Variants in EPHA5 observed in about 807,000 individuals in gnomAD.
EPHA5 encodes the protein EPH receptor A5, also known as ephrin type-A receptor 5.
In EPHA5, 60 loss-of-function variants were observed where a neutral mutation model predicts 105.0. The observed-to-expected ratio is 0.57, with a 90% CI of 0.46 to 0.71. The LOEUF is 0.71. Ranked by LOEUF, EPHA5 falls within the 30% of genes least tolerant of loss-of-function variation. The pLI is 0.00. For missense variants in EPHA5, 1,218 were observed against 1,274.7 expected (o/e 0.96, Z 0.68); for synonymous variants, 513 against 449.1 (o/e 1.14, Z -1.80).
At chr4:65,472,972 C>T (rs536706165) in intron 5 of EPHA5, among the ~76,000 whole-genome samples, 1 of 152,156 alleles carries the variant, frequency 6.6e-6, no homozygotes. Flanking sequence ...AACTTTTATG[C>T]TCTGCTTCCC....
intron 3 of EPHA5, among the ~76,000 whole-genome samples, chr4:65,551,234 T>A (rs981729140): frequency 4.1e-5 from 6 of 147,426 alleles, no homozygotes; most frequent in Non-Finnish European, 8.9e-5. Context: ...TTTAAATATA[T>A]GGAGTGTATA....
At chr4:65,558,156 T>C (rs1347892577) in intron 3 of EPHA5, among the ~76,000 whole-genome samples, 3 of 151,988 alleles carry the variant, frequency 2.0e-5, no homozygotes, top group Non-Finnish European at 1.5e-5. Flanking sequence ...GGATTACAGG[T>C]GTGAGGCACC....
chr4:65,351,886 G>C (rs1360453481), intron 12 of EPHA5, among the ~76,000 whole-genome samples: 1 of 151,950 alleles, frequency 6.6e-6, no homozygotes, highest in Non-Finnish European at 1.5e-5. Context: ...CATCAGAAGG[G>C]TTTGTTCACA....
At chr4:65,619,339 A>G (rs1745513020) in intron 2 of EPHA5, among the ~76,000 whole-genome samples, 1 of 152,182 alleles carries the variant, frequency 6.6e-6, no homozygotes, top group African/African-American at 2.4e-5. Context: ...TCAGATTTTC[A>G]AAAACTAGTA....
At chr4:65,441,536 A>G (rs1726013912) in intron 5 of EPHA5, among the ~76,000 whole-genome samples, 1 of 152,084 alleles carries the variant, frequency 6.6e-6, no homozygotes, top group African/African-American at 2.4e-5. Flanking sequence ...AAAAAGGCAG[A>G]GTGGAAGAAA....
At chr4:65,624,043 C>A (rs555901675) in intron 2 of EPHA5, among the ~76,000 whole-genome samples, 2 of 151,886 alleles carry the variant, frequency 1.3e-5, no homozygotes, top group East Asian at 1.9e-4. Context: ...GAATAATGGA[C>A]AAAAAACTAA....
At position 65,335,842 on chromosome 4, in the gene EPHA5, C is replaced by T. The variant is rs1721117444; in HGVS notation, c.2789+90G>A. On this transcript the variant is annotated intron_variant, in intron 15 of 16. Coordinates refer to ENST00000613740, the MANE Select transcript of EPHA5 (RefSeq NM_001281766.3). ...GTCATATAGATTCACAGATTAATGT[C>T]TATACGAGAATGATTTAATTGATAA... The T allele has an allele frequency of 2.3e-6, 3 of 1,324,598 alleles. 1 individual carries two copies. Among genetic ancestry groups the T allele is most frequent in the Middle Eastern group, 1.9e-4 (1 of 5,256 alleles). The allele number at this position is 1,324,598 out of a possible 1,614,324, so 82.1% of individuals were successfully genotyped here.
Position 65,348,809 on chromosome 4 carries a change from A to ATTT in EPHA5, c.2446-607_2446-606insAAA, listed in dbSNP as rs1257886289. 9.5e-4 allele frequency among the ~76,000 whole-genome samples: 52 copies of ATTT among 54,874 alleles called. 3 individuals are homozygous for ATTT. The highest frequency in any genetic ancestry group is 2.2e-3 in the East Asian group (3 of 1,380). The allele number at this position is 54,874 out of a possible 152,430, so 36.0% of individuals were successfully genotyped here. A position where few individuals can be genotyped will look rare whatever the true frequency, so the allele number is the denominator to read the frequency against. The stretch of plus-strand genomic sequence containing the variant: ...TGTGTGTGTGTATATATATATATAT[A>ATTT]TATATATTTTTTTTTTTTTTTTTTG... On this transcript the variant is annotated intron_variant, in intron 13 of 16. Transcript: ENST00000613740.
chr4:65,343,911 T>C (rs1415326447), intron 14 of EPHA5, among the ~76,000 whole-genome samples: 2 of 152,140 alleles, frequency 1.3e-5, no homozygotes, highest in Admixed American at 1.3e-4. Flanking sequence ...CTAGTGTTTT[T>C]CTAAGTAATT....
At chr4:65,552,847 A>G (rs185742800) in intron 3 of EPHA5, among the ~76,000 whole-genome samples, 91 of 152,286 alleles carry the variant, frequency 6.0e-4, no homozygotes, top group African/African-American at 2.1e-3. Context: ...TCCACAATTA[A>G]CAGGAAATAT....
At position 65,348,815 on chromosome 4, in the gene EPHA5, A is replaced by ATTTTTTTT. The variant is rs10633855; in HGVS notation, c.2446-620_2446-613dup. ...TGTGTATATATATATATATATATAT[A>ATTTTTTTT]TTTTTTTTTTTTTTTTTTGAGACAG... On this transcript the variant is annotated intron_variant, in intron 13 of 16. Transcript: ENST00000613740. 4.8e-4 allele frequency among the ~76,000 whole-genome samples: 31 copies of ATTTTTTTT among 64,102 alleles called. 3 individuals are homozygous for ATTTTTTTT. The highest frequency in any genetic ancestry group is 8.9e-4 in the Admixed American group (3 of 3,380). The allele number at this position is 64,102 out of a possible 152,430, so 42.1% of individuals were successfully genotyped here.
At chr4:65,489,638 T>C (rs903730379) in intron 5 of EPHA5, among the ~76,000 whole-genome samples, 5 of 152,242 alleles carry the variant, frequency 3.3e-5, no homozygotes, top group Non-Finnish European at 7.3e-5. Context: ...AAATTAGCTG[T>C]AGTTTATATT....
intron 1 of EPHA5, among the ~76,000 whole-genome samples, chr4:65,645,506 C>A (rs561517407): frequency 6.6e-6 from 1 of 152,064 alleles, no homozygotes. Flanking sequence ...TCCTTGTAGA[C>A]CTCTTACTAA....
chr4:65,476,335 G>A (rs967398866), intron 5 of EPHA5, among the ~76,000 whole-genome samples: 12 of 151,934 alleles, frequency 7.9e-5, no homozygotes, highest in African/African-American at 2.9e-4. Context: ...TCTCTAGAAT[G>A]GGTTCAGTCA....
chr4:65,338,957 T>C (rs900716409), intron 14 of EPHA5, among the ~76,000 whole-genome samples: 1 of 152,150 alleles, frequency 6.6e-6, no homozygotes, highest in Admixed American at 6.6e-5. Flanking sequence ...ATTAGATTTG[T>C]TGATACAGGT....
At chr4:65,458,165 A>AT (rs1304690508) in intron 5 of EPHA5, among the ~76,000 whole-genome samples, 2 of 151,060 alleles carry the variant, frequency 1.3e-5, no homozygotes, top group South Asian at 2.1e-4. Flanking sequence ...AGTGTAAGAT[A>AT]TTTTTGCATT....
At chr4:65,326,161 T>C (rs1720062453) in intron 16 of EPHA5, among the ~76,000 whole-genome samples, 1 of 150,802 alleles carries the variant, frequency 6.6e-6, no homozygotes, top group South Asian at 2.1e-4. Flanking sequence ...TCCTGTATGC[T>C]AGAAATATCA....
At chr4:65,333,461 A>C (rs1459464028) in intron 15 of EPHA5, among the ~76,000 whole-genome samples, 1 of 150,310 alleles carries the variant, frequency 6.7e-6, no homozygotes, top group Non-Finnish European at 1.5e-5. Context: ...ACCACCTCCC[A>C]CCTTACTCTT....
intron 8 of EPHA5, among the ~76,000 whole-genome samples, chr4:65,383,081 A>G (rs1182427961): frequency 6.7e-6 from 1 of 149,526 alleles, no homozygotes; most frequent in African/African-American, 2.4e-5. Flanking sequence ...CAAATTTTAT[A>G]TGTAAAAATC....
Sources: gnomAD v4.1 joint callset for allele counts (sites outside exome capture counted in the v4.1 genomes callset) on GRCh38, gnomAD v4.1.1 for gene constraint, MANE v1.5 for transcripts, NCBI Gene and HGNC (gene_info 2026-07-23, HGNC 2026-07-21) for gene names.